Variants in CALCOCO2 observed in about 807,000 individuals in gnomAD.
CALCOCO2 encodes the protein calcium-binding and coiled-coil domain-containing protein 2.
CALCOCO2 carries 42 observed loss-of-function variants against 62.5 expected under a neutral mutation model. The ratio of observed to expected loss-of-function variants is 0.67; its 90% CI spans 0.53 to 0.87. The LOEUF (loss-of-function observed/expected upper bound fraction) is 0.87. Ranked by LOEUF, CALCOCO2 falls within the 40% of genes least tolerant of loss-of-function variation. The pLI, the probability that CALCOCO2 is intolerant of heterozygous loss-of-function variation, is 0.00. For synonymous variants in CALCOCO2, 167 were observed against 173.0 expected, an observed-to-expected ratio of 0.97 and a Z score of 0.27; for missense variants, 456 against 515.0, an observed-to-expected ratio of 0.89 and a Z score of 1.11.
At chr17:48,845,240 G>A (rs1049655281) in intron 2 of CALCOCO2, among the ~76,000 whole-genome samples, 3 of 151,926 alleles carry the variant, frequency 2.0e-5, no homozygotes, top group African/African-American at 7.3e-5. Flanking sequence ...TCTGAAGAAG[G>A]GCTTCTAATG....
chr17:48,848,631 A>C, intron 4 of CALCOCO2, 176 bp downstream of exon 4: 1 of 660,174 alleles, frequency 1.5e-6, no homozygotes, highest in Non-Finnish European at 2.7e-6. Flanking sequence ...AACAAGACTC[A>C]TAACAATAAG....
rs1480029707 is a variant in CALCOCO2, at chr17:48,848,084, T to C, written c.201T>C (p.Arg67=). 2 of 1,610,912 alleles carry C rather than the reference T, an allele frequency of 1.2e-6. No homozygotes were observed. Among genetic ancestry groups the C allele is most frequent in the African/African-American group, 2.7e-5 (2 of 74,990 alleles). Residue 67 remains arginine, a synonymous_variant, in exon 3 of 13, where the codon CGT becomes CGC. Coordinates refer to ENST00000258947, the MANE Select transcript of CALCOCO2 (RefSeq NM_005831.5). ...TGCAGGTGGGGTGGAAGACAACCCG[T>C]GAGTATTACACCTTCATGTGGGTTA... is the stretch of plus-strand genomic sequence containing the variant. ...GIFRVGWKTT[R]EYYTFMWVTL...
At chr17:48,839,180 T>C (rs898769558) in intron 1 of CALCOCO2, among the ~76,000 whole-genome samples, 4 of 150,346 alleles carry the variant, frequency 2.7e-5, no homozygotes, top group African/African-American at 4.9e-5. Flanking sequence ...GCTAATTTTT[T>C]GTGTTTTTAG....
intron 1 of CALCOCO2, among the ~76,000 whole-genome samples, chr17:48,832,648 G>A (rs575848269): frequency 6.6e-6 from 1 of 152,158 alleles, no homozygotes; most frequent in Non-Finnish European, 1.5e-5. Context: ...ACTAAGATAG[G>A]AACCCAGCTC....
At position 48,848,077 on chromosome 17, in the gene CALCOCO2, C is replaced by T. The variant is rs2040076300; in HGVS notation, c.194C>T (p.Thr65Ile). ...TTGTCATTGCAGGTGGGGTGGAAGA[C>T]AACCCGTGAGTATTACACCTTCATG... ...WIGIFRVGWK[T>I]TREYYTFMWV... is the part of the protein sequence containing the mutation. Residue 65 changes from threonine (T) to isoleucine (I), a missense_variant, in exon 3 of 13, where the codon ACA (threonine) becomes ATA (isoleucine). Coordinates refer to ENST00000258947, the MANE Select transcript of CALCOCO2 (RefSeq NM_005831.5). 1 of 1,609,054 alleles carries T rather than the reference C, an allele frequency of 6.2e-7. No individual in the cohort carries two copies. Among genetic ancestry groups the T allele is most frequent in the South Asian group, 1.1e-5 (1 of 90,868 alleles).
Position 48,848,080 on chromosome 17 carries a change from C to A in CALCOCO2, c.197C>A (p.Thr66Asn). Residue 66 changes from threonine to asparagine, a missense_variant, in exon 3 of 13, where the codon ACC (threonine) becomes AAC (asparagine). Thr to Asn is a moderately conservative substitution (Grantham distance 65). Coordinates refer to ENST00000258947, the MANE Select transcript of CALCOCO2 (RefSeq NM_005831.5). ...IGIFRVGWKTTREYYTFMWVT... is the reference protein window; with the variant it reads ...IGIFRVGWKTNREYYTFMWVT... ...TCATTGCAGGTGGGGTGGAAGACAA[C>A]CCGTGAGTATTACACCTTCATGTGG... 1 of 1,610,100 alleles carries A rather than the reference C, an allele frequency of 6.2e-7. No homozygotes were observed.
chr17:48,862,914 C>T lies in CALCOCO2; in HGVS notation c.1250C>T (p.Pro417Leu), dbSNP rs2040348187. The T allele has an allele frequency of 1.9e-6, 3 of 1,613,422 alleles. No homozygotes were observed. In the South Asian group the frequency reaches 3.3e-5, roughly 18 times the overall value. ...ACCTTGGAGCAACAGCAGATGCAGC[C>T]CCTTTGTTTCAATTGTCCAATTTGT... ...DHTLEQQQMQ[P>L]LCFNCPICDK... The change falls in exon 13 of 13, where the codon CCC (proline) becomes CTC (leucine). Residue 417 changes from proline (P) to leucine (L), a missense_variant. Transcript: ENST00000258947.
At position 48,851,157 on chromosome 17, in the gene CALCOCO2, T is replaced by C. The variant is rs751645350; in HGVS notation, c.612T>C (p.Tyr204=). 29 of 1,608,042 alleles carry C rather than the reference T, an allele frequency of 1.8e-5. No individual in the cohort carries two copies. Among genetic ancestry groups the C allele is most frequent in the African/African-American group, 4.0e-5 (3 of 74,782 alleles). ...LELKVKEQKD[Y]WETELLQLKE... ...TGAAAGTGAAAGAACAGAAGGACTA[T>C]TGGGAGACAGAGCTGCTTCAGTGAG... is the stretch of plus-strand genomic sequence containing the variant. Residue 204 remains tyrosine, a synonymous_variant, in exon 6 of 13, where the codon TAT becomes TAC. Transcript: ENST00000258947.
intron 1 of CALCOCO2, among the ~76,000 whole-genome samples, chr17:48,835,732 TTTCTTTTCTTTTC>T (rs1211051986): frequency 2.7e-5 from 4 of 147,386 alleles, no homozygotes; most frequent in Non-Finnish European, 5.9e-5. Context: ...TTTCTTTTCT[TTTCTTTTCTTTTC>T]TTTTCTTTTC....
At chr17:48,844,996 C>T (rs1015280888) in intron 2 of CALCOCO2, among the ~76,000 whole-genome samples, 1 of 152,054 alleles carries the variant, frequency 6.6e-6, no homozygotes, top group Non-Finnish European at 1.5e-5. Flanking sequence ...ATTAGCCAGG[C>T]GTGGTGGCAC....
At chr17:48,835,372 C>T (rs542299459) in intron 1 of CALCOCO2, among the ~76,000 whole-genome samples, 1 of 152,294 alleles carries the variant, frequency 6.6e-6, no homozygotes, top group South Asian at 2.1e-4. Context: ...ATCTACTTGC[C>T]TCCTCAAACC....
At chr17:48,852,288 A>C in intron 7 of CALCOCO2, 1 of 445,642 alleles carries the variant, frequency 2.2e-6, no homozygotes. Context: ...ATCGTACTCA[A>C]AAGTCTGGAA....
At position 48,851,575 on chromosome 17, in the gene CALCOCO2, C is replaced by G. The variant is rs760265497; in HGVS notation, c.649C>G (p.Gln217Glu). 8.7e-5 allele frequency: 139 copies of G among 1,599,796 alleles called. No individual in the cohort carries two copies. Among genetic ancestry groups the G allele is most frequent in the Non-Finnish European group, 1.2e-4 (135 of 1,167,050 alleles). ...TELLQLKEQNQKMSSENEKMG... is the reference protein window; with the variant it reads ...TELLQLKEQNEKMSSENEKMG... The stretch of plus-strand genomic sequence containing the variant: ...CCTCTACAGACTGAAAGAACAAAAC[C>G]AGAAGATGTCCTCAGAAAATGAGAA... Residue 217 changes from glutamine (Q) to glutamate (E), a missense_variant, in exon 7 of 13, where the codon CAG (glutamine) becomes GAG (glutamate). Physicochemically the swap from Gln to Glu is conservative, Grantham distance 29. Coordinates refer to ENST00000258947, the MANE Select transcript of CALCOCO2 (RefSeq NM_005831.5).
intron 11 of CALCOCO2, among the ~76,000 whole-genome samples, chr17:48,860,973 T>C (rs1421084347): frequency 6.6e-6 from 1 of 152,156 alleles, no homozygotes; most frequent in Non-Finnish European, 1.5e-5. Context: ...CCAAAAGCAA[T>C]ATGAGATCTC....
At chr17:48,862,757 G>A in intron 12 of CALCOCO2, 81 bp from the exon 13 acceptor site, 1 of 1,105,594 alleles carries the variant, frequency 9.0e-7, no homozygotes, top group Non-Finnish European at 1.4e-6. Context: ...TAGGCACTGA[G>A]GATACAGTGG....
chr17:48,844,457 C>T (rs79454300), intron 2 of CALCOCO2, among the ~76,000 whole-genome samples: 16,399 of 151,722 alleles, frequency 0.11, 1,552 homozygotes, highest in African/African-American at 0.26. Context: ...AAATCTTGGG[C>T]GTTTTTCTTT....
intron 2 of CALCOCO2, among the ~76,000 whole-genome samples, chr17:48,844,516 G>A (rs1445828266): frequency 1.3e-5 from 2 of 151,606 alleles, no homozygotes; most frequent in Admixed American, 6.6e-5. Flanking sequence ...GTGCAATGGC[G>A]CGATCTTGGC....
chr17:48,842,100 C>T, intron 2 of CALCOCO2: 1 of 332,782 alleles, frequency 3.0e-6, no homozygotes, highest in Non-Finnish European at 5.5e-6. Context: ...AATAAGATGG[C>T]AAATCATATA....
At chr17:48,848,663 T>A in intron 4 of CALCOCO2, 1 of 613,836 alleles carries the variant, frequency 1.6e-6, no homozygotes, top group Non-Finnish European at 2.9e-6. Flanking sequence ...TTTCTAAAAC[T>A]TCTTTAACTC....
Sources: gnomAD v4.1 joint callset for allele counts (sites outside exome capture counted in the v4.1 genomes callset) on GRCh38, gnomAD v4.1.1 for gene constraint, MANE v1.5 for transcripts, NCBI Gene and HGNC (gene_info 2026-07-23, HGNC 2026-07-21) for gene names.